PHIP: variants seen among roughly 807,000 people sequenced by gnomAD.
The protein encoded by PHIP is PHIP subunit of CUL4-Ring ligase complex.
Under a neutral mutation model 236.8 loss-of-function variants are expected in PHIP, and 54 were observed. That is an observed-to-expected ratio of 0.23 (90% CI 0.18 to 0.29). The LOEUF is 0.29. Among genes scored for constraint, PHIP ranks in the 10% least tolerant of loss-of-function variants. PHIP has a pLI of 1.00. For missense variants in PHIP, 1,370 were observed against 2,190.8 expected (o/e 0.63, Z 7.48); for synonymous variants, 756 against 718.9 (o/e 1.05, Z -0.83).
intron 33 of PHIP, 23 bp from the exon 34 acceptor site, chr6:78,955,305 A>G (rs571511578): frequency 1.3e-6 from 2 of 1,566,906 alleles, no homozygotes; most frequent in African/African-American, 1.4e-5. Flanking sequence ...AATTTACCAG[A>G]TTCATAAAAC....
rs139822665 is a variant in PHIP at position 79,032,098 on chromosome 6, G to A, written c.601-5934C>T. Among the ~76,000 whole-genome samples the A allele has an allele frequency of 1.0e-3, 155 of 152,272 alleles. 1 individual carries two copies. Among genetic ancestry groups the A allele is most frequent in the Middle Eastern group, 6.8e-3 (2 of 294 alleles). On this transcript the variant is annotated intron_variant, in intron 7 of 39. Coordinates refer to ENST00000275034, the MANE Select transcript of PHIP (RefSeq NM_017934.7). ...TGTATTAAGTGTGCAATAGTATTAT[G>A]TCTTTAAAAAATGGGCATACATTAA...
At chr6:78,954,143 C>G (rs1461241853) in intron 35 of PHIP, among the ~76,000 whole-genome samples, 17 of 152,130 alleles carry the variant, frequency 1.1e-4, no homozygotes, top group Admixed American at 1.1e-3. Flanking sequence ...GCTCTGTCGC[C>G]CAGGCTGGAG....
chr6:78,945,082 C>A (rs937863161), intron 39 of PHIP, among the ~76,000 whole-genome samples: 1 of 141,792 alleles, frequency 7.1e-6, no homozygotes, highest in Non-Finnish European at 1.6e-5. Flanking sequence ...AGATTTATTT[C>A]TTTTTTTTTT....
intron 35 of PHIP, among the ~76,000 whole-genome samples, chr6:78,954,246 C>G (rs936980684): frequency 6.6e-6 from 1 of 150,450 alleles, no homozygotes; most frequent in Non-Finnish European, 1.5e-5. Flanking sequence ...GGACTACAGG[C>G]ACCCGCCCAC....
rs1390943605 is a variant in PHIP at position 78,955,432 on chromosome 6, C to T, written c.3853-150G>A. 7 of 620,648 alleles carry T rather than the reference C, an allele frequency of 1.1e-5. No individual in the cohort carries two copies. The Admixed American group carries it at 2.6e-4, about 23-fold the overall frequency. 38.4% of individuals were successfully genotyped at this position (620,648 alleles called of 1,614,324 possible). ...TATTGACTCATTAAAAAGGTTCCCC[C>T]CATTAAAAAATTTTTTTTAACTATA... On this transcript the variant is annotated intron_variant, in intron 33 of 39. Coordinates refer to ENST00000275034, the MANE Select transcript of PHIP (RefSeq NM_017934.7).
At chr6:79,068,760 A>C (rs1328253397) in intron 4 of PHIP, among the ~76,000 whole-genome samples, 1 of 152,230 alleles carries the variant, frequency 6.6e-6, no homozygotes. Context: ...AATAGGAAAA[A>C]AATTTGAGCA....
At chr6:78,963,467 C>T (rs1449178142) in intron 29 of PHIP, among the ~76,000 whole-genome samples, 2 of 152,068 alleles carry the variant, frequency 1.3e-5, no homozygotes, top group Non-Finnish European at 2.9e-5. Context: ...TAAATAATTA[C>T]TTCTCCAAAA....
At chr6:79,003,972 A>C in intron 15 of PHIP, 114 bp from the exon 16 acceptor site, 1 of 623,682 alleles carries the variant, frequency 1.6e-6, no homozygotes, top group Admixed American at 3.7e-5. Context: ...GTGAAGATTA[A>C]GTAAAACAAG....
chr6:79,033,467 A>G (rs1007780963), intron 7 of PHIP, among the ~76,000 whole-genome samples: 2 of 152,226 alleles, frequency 1.3e-5, no homozygotes, highest in African/African-American at 4.8e-5. Context: ...CTACTTCATT[A>G]GCACTTGTTG....
At chr6:79,065,046 C>T (rs1383640634) in intron 4 of PHIP, among the ~76,000 whole-genome samples, 1 of 151,974 alleles carries the variant, frequency 6.6e-6, no homozygotes, top group African/African-American at 2.4e-5. Flanking sequence ...CAGTTCATTC[C>T]TTCCTCCTTC....
Position 78,988,210 on chromosome 6 carries a change from T to A in PHIP, c.2459A>T (p.Asp820Val). Reference protein sequence around the residue: ...EEIENGSSSSDEGEVVAVSGG... With the variant: ...EEIENGSSSSVEGEVVAVSGG... ...TTTATGAATGTGCTGATATCTTACA[T>A]CTGAAGAACTACTGCCATTTTCTAT... The change falls in exon 21 of 40, where the codon GAT (aspartate) becomes GTT (valine). Residue 820 changes from aspartate to valine, a missense_variant and splice_region_variant. By Grantham distance (152) the Asp-to-Val change is radical. Coordinates refer to ENST00000275034, the MANE Select transcript of PHIP (RefSeq NM_017934.7). 1 of 1,569,946 alleles carries A rather than the reference T, an allele frequency of 6.4e-7. No homozygotes were observed. The highest frequency in any genetic ancestry group is 8.6e-7 in the Non-Finnish European group (1 of 1,160,504).
rs141236202 is a variant in PHIP, at chr6:78,987,313, T to C, written c.2460+896A>G. On this transcript the variant is annotated intron_variant, in intron 21 of 39. Transcript: ENST00000275034. ...ACATGTATTTTATGTTTTGTATGTCTATCCAAATTACCATGTGTCAAATTC... is the reference window on the plus strand; with the variant it reads ...ACATGTATTTTATGTTTTGTATGTCCATCCAAATTACCATGTGTCAAATTC... 1.8e-3 allele frequency among the ~76,000 whole-genome samples: 270 copies of C among 152,256 alleles called. 1 individual carries two copies. The highest frequency in any genetic ancestry group is 6.1e-3 in the African/African-American group (255 of 41,586).
intron 19 of PHIP, among the ~76,000 whole-genome samples, chr6:78,994,852 A>G (rs1179241879): frequency 6.6e-6 from 1 of 152,216 alleles, no homozygotes; most frequent in Admixed American, 6.5e-5. Flanking sequence ...GATGGTTGTT[A>G]GCGTTTTTCA....
At chr6:78,984,773 C>T (rs1051671973) in intron 22 of PHIP, among the ~76,000 whole-genome samples, 11 of 152,078 alleles carry the variant, frequency 7.2e-5, no homozygotes, top group Non-Finnish European at 7.4e-5. Context: ...ATTTTAAGAG[C>T]CACTAAGGTG....
At chr6:79,013,641 A>G (rs1481279625) in intron 15 of PHIP, among the ~76,000 whole-genome samples, 4 of 151,684 alleles carry the variant, frequency 2.6e-5, no homozygotes, top group Non-Finnish European at 5.9e-5. Context: ...TTTGTTATCT[A>G]CTGAAAAGGT....
chr6:79,020,660 T>A (rs1771072673), intron 9 of PHIP, among the ~76,000 whole-genome samples: 2 of 152,232 alleles, frequency 1.3e-5, no homozygotes, highest in South Asian at 2.1e-4. Context: ...GGTTTTTATT[T>A]TAGAAAGGAA....
At chr6:78,984,242 G>A (rs1768726835) in intron 22 of PHIP, among the ~76,000 whole-genome samples, 1 of 152,076 alleles carries the variant, frequency 6.6e-6, no homozygotes, top group South Asian at 2.1e-4. Flanking sequence ...ATGTTCTCTA[G>A]CATGATTTAG....
At chr6:79,061,282 A>G (rs934529247) in intron 4 of PHIP, among the ~76,000 whole-genome samples, 1 of 152,208 alleles carries the variant, frequency 6.6e-6, no homozygotes, top group Non-Finnish European at 1.5e-5. Context: ...GTATTACTTC[A>G]TAATTAGCTA....
intron 15 of PHIP, among the ~76,000 whole-genome samples, chr6:79,005,917 G>A (rs896747015): frequency 2.6e-5 from 4 of 151,932 alleles, no homozygotes; most frequent in African/African-American, 9.6e-5. Flanking sequence ...TAATCTTGGG[G>A]ACAGTTGAAG....
Sources: allele counts gnomAD v4.1 joint callset (sites outside exome capture counted in the v4.1 genomes callset), GRCh38; gene constraint gnomAD v4.1.1; transcripts MANE v1.5; gene names NCBI Gene and HGNC (gene_info 2026-07-23, HGNC 2026-07-21).